The following ANXA10 variants were observed in gnomAD, a reference collection of about 807,000 sequenced individuals.
The protein encoded by ANXA10 is annexin A10.
Under a neutral mutation model 53.5 loss-of-function variants are expected in ANXA10, and 49 were observed. That is an observed-to-expected ratio of 0.92 (90% CI 0.73 to 1.16). ANXA10 has a LOEUF of 1.16. Ranked by LOEUF, ANXA10 falls within the 50% of genes most tolerant of loss-of-function variation. The probability of loss-of-function intolerance (pLI) is 0.00; values close to 1 mark genes in which losing one functional copy is unlikely to be tolerated. For missense variants in ANXA10, 393 were observed against 394.4 expected (o/e 1.00, Z 0.03); for synonymous variants, 131 against 128.9 (o/e 1.02, Z -0.11).
At chr4:168,146,140 C>T (rs1056836249) in intron 3 of ANXA10, among the ~76,000 whole-genome samples, 1 of 152,214 alleles carries the variant, frequency 6.6e-6, no homozygotes. Context: ...AACTCCTGAC[C>T]TCAGATGATC....
intron 9 of ANXA10, among the ~76,000 whole-genome samples, chr4:168,179,735 T>C (rs1429710110): frequency 6.6e-6 from 1 of 152,208 alleles, no homozygotes; most frequent in Non-Finnish European, 1.5e-5. Flanking sequence ...TACTAATAAA[T>C]TTTGGTTTAG....
chr4:168,172,157 C>G (rs548590829), intron 6 of ANXA10, among the ~76,000 whole-genome samples: 1 of 152,124 alleles, frequency 6.6e-6, no homozygotes, highest in Non-Finnish European at 1.5e-5. Context: ...ACCATGTGGC[C>G]GTCTCAGGCC....
At position 168,184,739 on chromosome 4, in the gene ANXA10, A is replaced by T; in HGVS notation, c.906+58A>T. ...ACATTTTCTCCTTTTTGAAACTGAG[A>T]TAAAAGTTCTCATTCAAATAACTTC... On this transcript the variant is annotated intron_variant, in intron 11 of 11. Transcript: ENST00000359299. 3 of 1,593,778 alleles carry T rather than the reference A, an allele frequency of 1.9e-6. No individual in the cohort carries two copies. The South Asian group carries it at 3.4e-5, about 18-fold the overall frequency.
In ANXA10 at chr4:168,187,431, C is replaced by A; in HGVS notation, c.972C>A (p.Tyr324Ter). ...TCTGTGCTGGTGATGCTGAGGACTACTAAAATGAAGAGGACTTGGAGTACT... is the reference window on the plus strand; with the variant it reads ...TCTGTGCTGGTGATGCTGAGGACTAATAAAATGAAGAGGACTTGGAGTACT... The part of the protein sequence containing the change: ...LAICAGDAED[Y>*] Residue 324 changes from tyrosine (Y) to a stop codon, truncating the protein, a stop_gained, in exon 12 of 12, where the codon TAC becomes TAA. Coordinates refer to ENST00000359299, the MANE Select transcript of ANXA10 (RefSeq NM_007193.5). LOFTEE classifies it high-confidence loss of function. The A allele has an allele frequency of 6.3e-7, 1 of 1,584,600 alleles. No homozygotes were observed. The highest frequency in any genetic ancestry group is 8.6e-7 in the Non-Finnish European group (1 of 1,163,044).
At chr4:168,130,366 C>T (rs1403245885) in intron 2 of ANXA10, among the ~76,000 whole-genome samples, 1 of 152,062 alleles carries the variant, frequency 6.6e-6, no homozygotes, top group Non-Finnish European at 1.5e-5. Flanking sequence ...TTATATCTGA[C>T]TTTCAAACTT....
chr4:168,179,866 C>T (rs957294687), intron 9 of ANXA10, among the ~76,000 whole-genome samples: 29 of 152,274 alleles, frequency 1.9e-4, no homozygotes, highest in Admixed American at 2.0e-4. Flanking sequence ...GAGGACAAAA[C>T]GGGGCGAGTT....
intron 6 of ANXA10, among the ~76,000 whole-genome samples, chr4:168,168,286 A>C (rs1344906139): frequency 6.6e-6 from 1 of 152,216 alleles, no homozygotes; most frequent in African/African-American, 2.4e-5. Flanking sequence ...GTTGCAATGC[A>C]TATCCATTTC....
At chr4:168,108,433 A>T (rs1407418737) in intron 1 of ANXA10, among the ~76,000 whole-genome samples, 2 of 152,174 alleles carry the variant, frequency 1.3e-5, no homozygotes, top group Non-Finnish European at 2.9e-5. Flanking sequence ...TAGCACTGAT[A>T]CACTATGGCC....
intron 3 of ANXA10, among the ~76,000 whole-genome samples, chr4:168,143,399 C>A (rs538099610): frequency 6.6e-6 from 1 of 152,326 alleles, no homozygotes; most frequent in East Asian, 1.9e-4. Flanking sequence ...GCTCCATGAA[C>A]ACTTCTTACT....
intron 2 of ANXA10, among the ~76,000 whole-genome samples, chr4:168,132,652 A>T (rs1215003571): frequency 6.6e-6 from 1 of 152,110 alleles, no homozygotes; most frequent in Non-Finnish European, 1.5e-5. Context: ...AACTCAATGG[A>T]TAAATGCTTA....
intron 3 of ANXA10, among the ~76,000 whole-genome samples, chr4:168,152,445 T>A (rs1455252824): frequency 6.6e-6 from 1 of 152,148 alleles, no homozygotes; most frequent in Non-Finnish European, 1.5e-5. Flanking sequence ...ATATTATGTA[T>A]CTTGTTGACC....
At chr4:168,108,605 A>T (rs575299768) in intron 1 of ANXA10, among the ~76,000 whole-genome samples, 21 of 152,146 alleles carry the variant, frequency 1.4e-4, no homozygotes, top group Non-Finnish European at 2.6e-4. Context: ...GGTTTATGCC[A>T]ACTCCTCCTA....
chr4:168,133,810 A>G (rs994775884), intron 2 of ANXA10, among the ~76,000 whole-genome samples: 1 of 152,110 alleles, frequency 6.6e-6, no homozygotes, highest in Non-Finnish European at 1.5e-5. Context: ...TACCACATAC[A>G]ATGAGTCACT....
intron 2 of ANXA10, among the ~76,000 whole-genome samples, chr4:168,133,724 A>C (rs949382933): frequency 6.6e-6 from 1 of 152,124 alleles, no homozygotes; most frequent in Admixed American, 6.6e-5. Context: ...ACAGAAACCT[A>C]ACCCTGCATT....
rs977653933 is a variant in ANXA10, at chr4:168,184,616, G to A, written c.841G>A (p.Asp281Asn). 6.8e-6 allele frequency: 11 copies of A among 1,613,916 alleles called. No homozygotes were observed. Among genetic ancestry groups the A allele is most frequent in the East Asian group, 4.5e-5 (2 of 44,870 alleles). The change falls in exon 11 of 12, where the codon GAC (aspartate) becomes AAC (asparagine). Residue 281 changes from aspartate (D) to asparagine (N), a missense_variant. Asp to Asn is a conservative substitution (Grantham distance 23). Transcript: ENST00000359299. ...GATTCTCATTGCCAGAAGTGAAATAGACCTGCTGACCATAAGGAAACGATA... is the reference window on the plus strand; with the variant it reads ...GATTCTCATTGCCAGAAGTGAAATAAACCTGCTGACCATAAGGAAACGATA... ...IRILIARSEI[D>N]LLTIRKRYKE...
At chr4:168,176,865 T>C (rs916249304) in intron 6 of ANXA10, among the ~76,000 whole-genome samples, 1 of 151,618 alleles carries the variant, frequency 6.6e-6, no homozygotes, top group Non-Finnish European at 1.5e-5. Context: ...CCACGCATAG[T>C]GGCACACGCC....
intron 3 of ANXA10, among the ~76,000 whole-genome samples, chr4:168,149,803 C>T (rs138734022): frequency 0.013 from 1,952 of 152,304 alleles, 24 homozygotes; most frequent in Middle Eastern, 0.034. Context: ...TGTTCTCCTA[C>T]TCAAAGCCTA....
intron 2 of ANXA10, among the ~76,000 whole-genome samples, chr4:168,133,935 A>T (rs1731194558): frequency 6.6e-6 from 1 of 150,910 alleles, no homozygotes; most frequent in South Asian, 2.1e-4. Context: ...TAGGAGAAGA[A>T]GGAGAAAAAC....
intron 3 of ANXA10, 65 bp from the exon 4 acceptor site, chr4:168,162,463 A>T: frequency 2.0e-6 from 2 of 1,023,206 alleles, no homozygotes; most frequent in Non-Finnish European, 3.0e-6. Context: ...GACTTTCTGC[A>T]ATTATCTCAT....
Sources: allele counts gnomAD v4.1 joint callset (sites outside exome capture counted in the v4.1 genomes callset), GRCh38; gene constraint gnomAD v4.1.1; transcripts MANE v1.5; gene names NCBI Gene and HGNC (gene_info 2026-07-23, HGNC 2026-07-21).